The following TFG variants were observed in gnomAD, a reference collection of about 807,000 sequenced individuals.
TFG encodes trafficking from ER to golgi regulator, also known as protein TFG.
Under a neutral mutation model 51.4 loss-of-function variants are expected in TFG, and 22 were observed. That is an observed-to-expected ratio of 0.43 (90% CI 0.31 to 0.61). The LOEUF (loss-of-function observed/expected upper bound fraction) is 0.61, where lower values mean the gene tolerates loss of function less well. TFG is among the 20% of genes least tolerant of loss of function. The pLI is 0.12. For synonymous variants in TFG, 187 were observed against 165.6 expected (o/e 1.13, Z -0.99); for missense variants, 419 against 487.7 (o/e 0.86, Z 1.33).
chr3:100,735,809 C>T lies in TFG; in HGVS notation c.581-767C>T, dbSNP rs569542286. 6.6e-5 allele frequency among the ~76,000 whole-genome samples: 10 copies of T among 152,096 alleles called. No individual in the cohort carries two copies. In the South Asian group the frequency reaches 1.7e-3, roughly 25 times the overall value. Reference sequence around the variant, plus strand: ...GTAAGTTAGAGTGCTAGGCCTTGTTCGGCAGACAAAAAGAATCAACAGTCA... The same window carrying T: ...GTAAGTTAGAGTGCTAGGCCTTGTTTGGCAGACAAAAAGAATCAACAGTCA... On this transcript the variant is annotated intron_variant, in intron 5 of 7. Transcript: ENST00000240851.
intron 2 of TFG, among the ~76,000 whole-genome samples, chr3:100,717,882 A>G (rs1015553334): frequency 6.6e-6 from 1 of 152,000 alleles, no homozygotes; most frequent in Non-Finnish European, 1.5e-5. Flanking sequence ...TTTCTCTTGC[A>G]TAATTGCTCT....
At chr3:100,713,928 A>C in intron 2 of TFG, 59 bp downstream of exon 2, 1 of 1,153,080 alleles carries the variant, frequency 8.7e-7, no homozygotes, top group Non-Finnish European at 1.2e-6. Context: ...AAAAAAAGAC[A>C]GAGCCTCTGT....
chr3:100,715,426 T>C (rs1340980433), intron 2 of TFG, among the ~76,000 whole-genome samples: 2 of 152,250 alleles, frequency 1.3e-5, no homozygotes, highest in Non-Finnish European at 2.9e-5. Context: ...TACATGGCTT[T>C]GCTAAGATGC....
chr3:100,718,949 C>G (rs1489077480), intron 2 of TFG, among the ~76,000 whole-genome samples: 1 of 152,106 alleles, frequency 6.6e-6, no homozygotes, highest in Non-Finnish European at 1.5e-5. Flanking sequence ...ATCAGAGATA[C>G]TCTGTTTCTG....
At chr3:100,737,310 G>A (rs1335257895) in intron 6 of TFG, among the ~76,000 whole-genome samples, 1 of 152,224 alleles carries the variant, frequency 6.6e-6, no homozygotes, top group Non-Finnish European at 1.5e-5. Context: ...ACTGTAAAAT[G>A]TGAAAACTGG....
At chr3:100,730,380 G>C (rs756879809) in intron 4 of TFG, among the ~76,000 whole-genome samples, 2 of 152,092 alleles carry the variant, frequency 1.3e-5, no homozygotes, top group Non-Finnish European at 2.9e-5. Flanking sequence ...CTATGTTAAT[G>C]TAAAAGGTGT....
rs765751527 is a variant in TFG at position 100,728,868 on chromosome 3, GA to G, written c.415+12del. 15 of 1,595,948 alleles carry G rather than the reference GA, an allele frequency of 9.4e-6. No homozygotes were observed. Among genetic ancestry groups the G allele is most frequent in the Middle Eastern group, 3.3e-4 (2 of 6,004 alleles). On this transcript the variant is annotated intron_variant, in intron 4 of 7. Coordinates refer to ENST00000240851, the MANE Select transcript of TFG (RefSeq NM_006070.6). Reference sequence around the variant, plus strand: ...AATATTCCTGAAAATGGTAAACCCTGAATCCATTGTATTCTGACTTATTGTT... The same window carrying G: ...AATATTCCTGAAAATGGTAAACCCTGATCCATTGTATTCTGACTTATTGTT...
At chr3:100,745,044 T>C in intron 7 of TFG, 113 bp downstream of exon 7, 1 of 462,792 alleles carries the variant, frequency 2.2e-6, no homozygotes, top group Non-Finnish European at 3.9e-6. Flanking sequence ...GTATTAAGTT[T>C]TTATTAGGGG....
At chr3:100,713,907 T>TTAAAAAA in intron 2 of TFG, 38 bp downstream of exon 2, 2 of 898,908 alleles carry the variant, frequency 2.2e-6, no homozygotes, top group Non-Finnish European at 3.1e-6. Flanking sequence ...AAAGTCTTTT[T>TTAAAAAA]AAAAAAAAAA....
intron 5 of TFG, among the ~76,000 whole-genome samples, chr3:100,734,042 C>T (rs1027721827): frequency 2.6e-5 from 4 of 151,342 alleles, no homozygotes; most frequent in African/African-American, 7.3e-5. Context: ...GATGTCCTCA[C>T]AGTCACAGAA....
chr3:100,736,582 C>T lies in TFG; in HGVS notation c.587C>T (p.Pro196Leu), dbSNP rs747842186. 6.2e-7 allele frequency: 1 copy of T among 1,613,792 alleles called. No homozygotes were observed. The highest frequency in any genetic ancestry group is 8.5e-7 in the Non-Finnish European group (1 of 1,179,906). ...CTTTTTTTTGACTATCCAGGGCCAC[C>T]CAGTGCTCCTGCAGAAGATCGTTCA... is the stretch of plus-strand genomic sequence containing the variant. ...GLTDDQVSGP[P>L]SAPAEDRSGT... The change falls in exon 6 of 8, where the codon CCC becomes CTC. Residue 196 changes from proline (P) to leucine (L), a missense_variant. Physicochemically the swap from Pro to Leu is moderately conservative, Grantham distance 98. Coordinates refer to ENST00000240851, the MANE Select transcript of TFG (RefSeq NM_006070.6).
At chr3:100,745,367 A>G (rs148988779) in intron 7 of TFG, among the ~76,000 whole-genome samples, 16 of 152,322 alleles carry the variant, frequency 1.1e-4, no homozygotes, top group African/African-American at 2.6e-4. Context: ...TAAGAGCTCA[A>G]TTAAGCTACT....
intron 6 of TFG, among the ~76,000 whole-genome samples, chr3:100,741,946 A>G (rs1223862905): frequency 1.3e-5 from 2 of 152,176 alleles, no homozygotes; most frequent in African/African-American, 2.4e-5. Context: ...TAAGTATACT[A>G]TATGATTATA....
chr3:100,717,640 A>G (rs1576356536), intron 2 of TFG, among the ~76,000 whole-genome samples: 1 of 119,816 alleles, frequency 8.3e-6, no homozygotes, highest in African/African-American at 3.4e-5. Flanking sequence ...CTAGATATTT[A>G]AAAAAATTTT....
In TFG at chr3:100,742,271, G is replaced by A. The variant is rs75110350; in HGVS notation, c.722-2562G>A. Among the ~76,000 whole-genome samples, 896 of 152,204 alleles carry A rather than the reference G, an allele frequency of 5.9e-3. 10 individuals are homozygous for A. The highest frequency in any genetic ancestry group is 0.02 in the African/African-American group (816 of 41,526). On this transcript the variant is annotated intron_variant, in intron 6 of 7. Transcript: ENST00000240851. ...AAATTGTAACTTTAAGTGAGATGAC[G>A]TATGAGGAAATCAGTTCTACCATAG...
At chr3:100,724,531 T>C (rs1224298678) in intron 3 of TFG, among the ~76,000 whole-genome samples, 1 of 152,114 alleles carries the variant, frequency 6.6e-6, no homozygotes, top group African/African-American at 2.4e-5. Flanking sequence ...TTACCAAATA[T>C]CTAAGGAACA....
intron 6 of TFG, chr3:100,743,897 CAT>C (rs1004053970): frequency 2.2e-4 from 34 of 151,522 alleles, no homozygotes; most frequent in African/African-American, 4.8e-4. Context: ...AATCAGCCAA[CAT>C]GTGATTATTT....
chr3:100,728,971 C>T (rs2095083855), intron 4 of TFG, 113 bp downstream of exon 4: 1 of 884,294 alleles, frequency 1.1e-6, no homozygotes, highest in African/African-American at 1.7e-5. Context: ...ACTCTTGTTT[C>T]TTCCTCTGCC....
chr3:100,740,961 T>A (rs2095119664), intron 6 of TFG, among the ~76,000 whole-genome samples: 2 of 152,150 alleles, frequency 1.3e-5, no homozygotes, highest in South Asian at 4.1e-4. Context: ...CCTAGTGATG[T>A]GTAGCCATCA....
Sources: gnomAD v4.1 joint callset for allele counts (sites outside exome capture counted in the v4.1 genomes callset) on GRCh38, gnomAD v4.1.1 for gene constraint, MANE v1.5 for transcripts, NCBI Gene and HGNC (gene_info 2026-07-23, HGNC 2026-07-21) for gene names.